EXD3: variants seen among roughly 807,000 people sequenced by gnomAD.
The protein encoded by EXD3 is exonuclease mut-7 homolog.
In EXD3, 92 loss-of-function variants were observed where a neutral mutation model predicts 98.0. That is an observed-to-expected ratio of 0.94 (90% CI 0.79 to 1.12). EXD3 has a LOEUF of 1.12. Among genes scored for constraint, EXD3 ranks in the 50% most tolerant of loss-of-function variants. The pLI is 0.00. For synonymous variants in EXD3, 569 were observed against 526.0 expected (o/e 1.08, Z -1.12); for missense variants, 1,222 against 1,191.6 (o/e 1.03, Z -0.38).
intron 17 of EXD3, among the ~76,000 whole-genome samples, chr9:137,335,113 T>C (rs1455848553): frequency 2.0e-5 from 3 of 148,642 alleles, no homozygotes; most frequent in African/African-American, 7.4e-5. Flanking sequence ...TAAAAACAAA[T>C]AGCCCACAGA....
In EXD3 at chr9:137,332,676, T is replaced by C. The variant is rs377621143; in HGVS notation, c.1999-8533A>G. The stretch of plus-strand genomic sequence containing the variant: ...GGCTAAAACAGTGAAACCCCGTCTC[T>C]ACTAAAAAGCACAAAAAAACTAGCC... On this transcript the variant is annotated intron_variant, in intron 17 of 21. Coordinates refer to ENST00000340951, the MANE Select transcript of EXD3 (RefSeq NM_017820.5). Among the ~76,000 whole-genome samples, 48 of 151,382 alleles carry C rather than the reference T, an allele frequency of 3.2e-4. No individual in the cohort carries two copies. The East Asian group carries it at 3.7e-3, about 12-fold the overall frequency.
rs371916480 is a variant in EXD3, at chr9:137,373,015, G to T, written c.352C>A (p.Pro118Thr). The T allele has an allele frequency of 3.9e-5, 62 of 1,604,894 alleles. No homozygotes were observed. The highest frequency in any genetic ancestry group is 6.6e-5 in the South Asian group (6 of 90,890). ...ARAVKVLTES[P>T]PSLAAPLASI... ...GCCAGTGGTGCCGCAAGGCTGGGGGGGCTCTCAGTGAGGACTTTGACCGCT... is the reference window on the plus strand; with the variant it reads ...GCCAGTGGTGCCGCAAGGCTGGGGGTGCTCTCAGTGAGGACTTTGACCGCT... Residue 118 changes from proline (P) to threonine (T), a missense_variant, in exon 5 of 22, where the codon CCC (proline) becomes ACC (threonine). Physicochemically the swap from Pro to Thr is conservative, Grantham distance 38. Coordinates refer to ENST00000340951, the MANE Select transcript of EXD3 (RefSeq NM_017820.5).
At position 137,351,446 on chromosome 9, in the gene EXD3, A is replaced by G; in HGVS notation, c.1256T>C (p.Val419Ala). 6.2e-7 allele frequency: 1 copy of G among 1,604,582 alleles called. No homozygotes were observed. The highest frequency in any genetic ancestry group is 1.7e-5 in the Admixed American group (1 of 58,336). The change falls in exon 13 of 22, where the codon GTG becomes GCG. Residue 419 changes from valine to alanine, a missense_variant. Coordinates refer to ENST00000340951, the MANE Select transcript of EXD3 (RefSeq NM_017820.5). ...GGRPRPSLLQ[V>A]AVEGHVFLLD... ...AAGGAACACGTGGCCCTCCACGGCC[A>G]CCTGCAGGAGTGACGGCCGAGGCCG...
chr9:137,367,908 A>C, intron 6 of EXD3, 28 bp downstream of exon 6: 1 of 1,609,196 alleles, frequency 6.2e-7, no homozygotes, highest in Non-Finnish European at 8.5e-7. Flanking sequence ...GTTTGAACCT[A>C]AACAATTTAC....
chr9:137,404,536 T>C (rs1426258019), intron 1 of EXD3, among the ~76,000 whole-genome samples: 2 of 152,198 alleles, frequency 1.3e-5, no homozygotes, highest in African/African-American at 4.8e-5. Flanking sequence ...AAAACTACAT[T>C]TGCAAATTCT....
At position 137,405,416 on chromosome 9, in the gene EXD3, G is replaced by A. The variant is rs1228825165; in HGVS notation, c.-47-10012C>T. ...ACAGGTCCTGGACTCATTCGTGCTGGTGTCCGTGGCCCAAGGATTTGCAGA... is the reference window on the plus strand; with the variant it reads ...ACAGGTCCTGGACTCATTCGTGCTGATGTCCGTGGCCCAAGGATTTGCAGA... On this transcript the variant is annotated intron_variant, in intron 1 of 21. Coordinates refer to ENST00000340951, the MANE Select transcript of EXD3 (RefSeq NM_017820.5). This position sits in a 1 kb window ranked among gnomAD's most constrained non-coding sequence, Gnocchi z 4.1. Among the ~76,000 whole-genome samples the A allele has an allele frequency of 2.6e-5, 4 of 152,240 alleles. No homozygotes were observed. Among genetic ancestry groups the A allele is most frequent in the Non-Finnish European group, 5.9e-5 (4 of 68,046 alleles).
At position 137,393,596 on chromosome 9, in the gene EXD3, A is replaced by G. The variant is rs1588414745; in HGVS notation, c.55+1707T>C. On this transcript the variant is annotated intron_variant, in intron 2 of 21. Transcript: ENST00000340951. The surrounding 1 kb of genome is among the most constrained non-coding windows in gnomAD (Gnocchi z 4.6). ...CGGAGGTGCCCCCACAGCCCTCAGCACCCACTGGGACACAGAAGAGGAAGG... is the reference window on the plus strand; with the variant it reads ...CGGAGGTGCCCCCACAGCCCTCAGCGCCCACTGGGACACAGAAGAGGAAGG... 6.6e-6 allele frequency among the ~76,000 whole-genome samples: 1 copy of G among 152,314 alleles called. No homozygotes were observed. Among genetic ancestry groups the G allele is most frequent in the East Asian group, 1.9e-4 (1 of 5,180 alleles).
chr9:137,409,245 C>T (rs975062063), intron 1 of EXD3, among the ~76,000 whole-genome samples: 6 of 152,322 alleles, frequency 3.9e-5, no homozygotes, highest in East Asian at 3.9e-4. Context: ...ATGGCTGCCC[C>T]GAGCCGCCTC....
At chr9:137,388,056 G>C (rs1836696933) in intron 2 of EXD3, among the ~76,000 whole-genome samples, 1 of 152,200 alleles carries the variant, frequency 6.6e-6, no homozygotes, top group African/African-American at 2.4e-5. Flanking sequence ...CTGTGTATTA[G>C]GAGGACACCT....
chr9:137,353,517 A>C, intron 10 of EXD3: 2 of 986,868 alleles, frequency 2.0e-6, no homozygotes, highest in Non-Finnish European at 2.4e-6. Flanking sequence ...CCAGGAGCAG[A>C]CAGAGGGGTG....
chr9:137,403,887 G>A lies in EXD3; in HGVS notation c.-47-8483C>T, dbSNP rs551628261. On this transcript the variant is annotated intron_variant, in intron 1 of 21. Coordinates refer to ENST00000340951, the MANE Select transcript of EXD3 (RefSeq NM_017820.5). The surrounding 1 kb of genome is among the most constrained non-coding windows in gnomAD (Gnocchi z 6.1). ...GTGGGATAGGGATGGGTCCCGAGGC[G>A]GGGCAGTCACACCCCCACGCCATCT... 5.9e-3 allele frequency among the ~76,000 whole-genome samples: 903 copies of A among 152,304 alleles called. 5 individuals carry two copies. The highest frequency in any genetic ancestry group is 9.0e-3 in the Non-Finnish European group (613 of 68,024).
chr9:137,326,953 G>A (rs974906394), intron 17 of EXD3, among the ~76,000 whole-genome samples: 8 of 152,048 alleles, frequency 5.3e-5, no homozygotes, highest in African/African-American at 1.7e-4. Flanking sequence ...TCCGACACAG[G>A]CTACGTCGTG....
chr9:137,350,010 G>A lies in EXD3; in HGVS notation c.1495-479C>T, dbSNP rs567413818. Reference sequence around the variant, plus strand: ...GTGCCCAGAGAGGGGTGGGGATCACGGGGAAGGTGCTAGATAGAGAGGGGT... The same window carrying A: ...GTGCCCAGAGAGGGGTGGGGATCACAGGGAAGGTGCTAGATAGAGAGGGGT... On this transcript the variant is annotated intron_variant, in intron 14 of 21. Coordinates refer to ENST00000340951, the MANE Select transcript of EXD3 (RefSeq NM_017820.5). Among the ~76,000 whole-genome samples the A allele has an allele frequency of 2.9e-4, 44 of 150,334 alleles. 1 individual carries two copies. The South Asian group carries it at 6.8e-3, about 23-fold the overall frequency.
In EXD3 at chr9:137,371,193, C is replaced by T. The variant is rs921684847; in HGVS notation, c.462+1712G>A. Among the ~76,000 whole-genome samples the T allele has an allele frequency of 2.6e-5, 4 of 152,188 alleles. No homozygotes were observed. The highest frequency in any genetic ancestry group is 4.8e-5 in the African/African-American group (2 of 41,458). On this transcript the variant is annotated intron_variant, in intron 5 of 21. Coordinates refer to ENST00000340951, the MANE Select transcript of EXD3 (RefSeq NM_017820.5). The surrounding 1 kb of genome is among the most constrained non-coding windows in gnomAD (Gnocchi z 8.0). ...AAAGGCTCTGTAACAGAAGACGGCC[C>T]GAAACACTAGCCTGCCTTCTGCCTC...
At chr9:137,344,667 A>T (rs1195245990) in intron 17 of EXD3, among the ~76,000 whole-genome samples, 1 of 152,194 alleles carries the variant, frequency 6.6e-6, no homozygotes, top group Non-Finnish European at 1.5e-5. Context: ...ACAGGATGAG[A>T]GTTTCCCAAA....
chr9:137,355,761 A>T (rs1345210338), intron 8 of EXD3, among the ~76,000 whole-genome samples: 1 of 149,592 alleles, frequency 6.7e-6, no homozygotes, highest in East Asian at 2.0e-4. Context: ...AATCCAGATA[A>T]AATTCAAACT....
intron 3 of EXD3, chr9:137,374,556 C>T: frequency 1.0e-6 from 1 of 985,494 alleles, no homozygotes; most frequent in Non-Finnish European, 1.2e-6. Flanking sequence ...AAAAGGCTCC[C>T]AGCACCTGAC....
At chr9:137,330,888 C>T (rs1833035909) in intron 17 of EXD3, among the ~76,000 whole-genome samples, 1 of 152,140 alleles carries the variant, frequency 6.6e-6, no homozygotes, top group Non-Finnish European at 1.5e-5. Context: ...CACACATCAT[C>T]AACACTAAAA....
At chr9:137,330,481 C>T (rs796870376) in intron 17 of EXD3, among the ~76,000 whole-genome samples, 25 of 138,702 alleles carry the variant, frequency 1.8e-4, no homozygotes, top group African/African-American at 6.9e-4. Flanking sequence ...AAAGGAGCTA[C>T]ACAGGAGCTA....
Sources: allele counts gnomAD v4.1 joint callset (sites outside exome capture counted in the v4.1 genomes callset), GRCh38; gene constraint gnomAD v4.1.1; non-coding constraint Gnocchi (gnomAD v3.1); transcripts MANE v1.5; gene names NCBI Gene and HGNC (gene_info 2026-07-23, HGNC 2026-07-21).